The following ZNF117 variants were observed in gnomAD, a reference collection of about 807,000 sequenced individuals.
ZNF117 encodes Krueppel-related zinc finger protein.
In ZNF117, 37 loss-of-function variants were observed where a neutral mutation model predicts 41.2. That is an observed-to-expected ratio of 0.90 (90% CI 0.69 to 1.18). ZNF117 has a LOEUF of 1.18. Ranked by LOEUF, ZNF117 falls within the 50% of genes most tolerant of loss-of-function variation. The probability of loss-of-function intolerance (pLI) is 0.00; values close to 1 mark genes in which losing one functional copy is unlikely to be tolerated. For missense variants in ZNF117, 546 were observed against 557.5 expected, an observed-to-expected ratio of 0.98 and a Z score of 0.21; for synonymous variants, 186 against 186.6, an observed-to-expected ratio of 1.00 and a Z score of 0.02.
chr7:64,975,331 TAATTTA>T (rs1785860576), exon 3 of ZNF117: 3 of 137,022 alleles, frequency 2.2e-5, no homozygotes, highest in African/African-American at 8.1e-5. Flanking sequence ...CTACTAATTT[TAATTTA>T]ATTTTAACTA....
exon 3 of ZNF117, chr7:64,975,026 T>TG (rs1263412100): frequency 2.0e-5 from 3 of 152,054 alleles, no homozygotes; most frequent in Admixed American, 6.5e-5. Context: ...ATTTAACCTA[T>TG]GGGAACAATG....
exon 3 of ZNF117, chr7:64,975,694 C>G (rs1785871102): frequency 6.6e-6 from 1 of 152,026 alleles, no homozygotes; most frequent in Admixed American, 6.6e-5. Context: ...GTAATTATAA[C>G]TAAAAATATT....
exon 3 of ZNF117, chr7:64,978,408 G>T (rs1299292613): frequency 5.0e-6 from 8 of 1,611,918 alleles, no homozygotes; most frequent in African/African-American, 1.3e-5. Context: ...ACATTTGTGG[G>T]GATTCTCTCC....
downstream of ZNF117, chr7:64,974,395 A>T (rs1381235952): frequency 6.6e-6 from 1 of 151,924 alleles, no homozygotes; most frequent in Admixed American, 6.6e-5. Context: ...AAGTCAGAAG[A>T]TTTGGCAGTA....
chr7:64,981,024 G>A (rs1205374993), intron 2 of ZNF117: 8 of 237,664 alleles, frequency 3.4e-5, no homozygotes, highest in African/African-American at 1.9e-4. Context: ...CAGACTTGAT[G>A]CAAAAAGAGA....
intron 1 of ZNF117, among the ~76,000 whole-genome samples, chr7:64,987,242 G>C (rs1255780238): frequency 6.6e-6 from 1 of 152,124 alleles, no homozygotes; most frequent in African/African-American, 2.4e-5. Flanking sequence ...AAAGTTCTTT[G>C]AAACAAATGA....
chr7:64,986,882 C>T (rs746664565), upstream of ZNF117, among the ~76,000 whole-genome samples: 3 of 152,132 alleles, frequency 2.0e-5, no homozygotes, highest in Non-Finnish European at 4.4e-5. Flanking sequence ...CACTATTAGA[C>T]ACATTTTTGA....
At position 64,990,522 on chromosome 7, in the gene ZNF117, AGCAGAACAAAG is replaced by A. The variant is rs1186498577; in HGVS notation, c.-782_-772del. The stretch of plus-strand genomic sequence containing the variant: ...CGAGGTGAGAAAGCAGTCTTACAGA[AGCAGAACAAAG>A]GCAGTTAATCATACCGTGACAGGTT... On this transcript the variant is annotated 5_prime_UTR_variant, in exon 1 of 4. It removes the in-frame stop codon of an upstream open reading frame in the 5' UTR. Coordinates refer to the ZNF117 transcript ENST00000282869. The A allele has an allele frequency of 3.2e-5, 5 of 155,110 alleles. No homozygotes were observed. The highest frequency in any genetic ancestry group is 1.2e-4 in the African/African-American group (5 of 40,664). The allele number at this position is 155,110 out of a possible 1,614,324, so 9.6% of individuals were successfully genotyped here.
chr7:64,980,294 A>G (rs1161294367), intron 2 of ZNF117: 1 of 152,006 alleles, frequency 6.6e-6, no homozygotes, highest in African/African-American at 2.4e-5. Flanking sequence ...TTCAAATTTC[A>G]ATTAAAGATT....
exon 3 of ZNF117, chr7:64,976,794 A>G: frequency 2.6e-6 from 1 of 377,738 alleles, no homozygotes; most frequent in Non-Finnish European, 5.2e-6. Context: ...TGTCAAAATC[A>G]TTGTCACATC....
exon 3 of ZNF117, chr7:64,978,674 A>G (rs772502993): frequency 1.2e-6 from 2 of 1,612,960 alleles, no homozygotes; most frequent in Admixed American, 3.3e-5. Flanking sequence ...TCTCTCCACT[A>G]TGAATTCTCT....
At chr7:64,982,588 C>G (rs1786054898), upstream of ZNF117, among the ~76,000 whole-genome samples, 1 of 152,052 alleles carries the variant, frequency 6.6e-6, no homozygotes, top group African/African-American at 2.4e-5. Flanking sequence ...TTCTAAAAAG[C>G]TCACCAATAA....
At position 64,977,718 on chromosome 7, in the gene ZNF117, C is replaced by T. The variant is rs1257501480; in HGVS notation, c.*401G>A. ...TACGTATAGGTTGAAAGCTTTGCCA[C>T]ATTCTTCACATTTATATGGTTTCTC... On this transcript the variant is annotated 3_prime_UTR_variant, in exon 3 of 3. Coordinates refer to ENST00000620222, the Ensembl canonical transcript of ZNF117. 10 of 878,790 alleles carry T rather than the reference C, an allele frequency of 1.1e-5. No individual in the cohort carries two copies. The East Asian group carries it at 3.9e-4, about 34-fold the overall frequency. 54.4% of individuals were successfully genotyped at this position (878,790 alleles called of 1,614,324 possible). A position where few individuals can be genotyped will look rare whatever the true frequency, so the allele number is the denominator to read the frequency against.
chr7:64,976,997 A>G, exon 3 of ZNF117: 1 of 533,186 alleles, frequency 1.9e-6, no homozygotes. Context: ...CTCCAGTACG[A>G]TTTTTCTTAT....
intron 2 of ZNF117, chr7:64,980,418 C>T (rs1248368571): frequency 6.6e-6 from 1 of 151,578 alleles, no homozygotes; most frequent in Admixed American, 6.6e-5. Context: ...AATAATACTC[C>T]ATGAATGAAA....
At chr7:64,988,586 G>C (rs1312490934) in intron 1 of ZNF117, among the ~76,000 whole-genome samples, 14 of 152,144 alleles carry the variant, frequency 9.2e-5, no homozygotes, top group Admixed American at 2.0e-4. Context: ...ACATAGAATT[G>C]GCAGCCCTCA....
intron 1 of ZNF117, among the ~76,000 whole-genome samples, chr7:64,989,466 TA>T: frequency 1.6e-5 from 1 of 61,200 alleles, no homozygotes; most frequent in South Asian, 4.7e-4. Context: ...TATATATATA[TA>T]TATATATATA....
rs985707947 is a variant in ZNF117, at chr7:64,988,968, T to C, written c.-196+979A>G. On this transcript the variant is annotated intron_variant, in intron 1 of 3. Coordinates refer to the ZNF117 transcript ENST00000282869. ...TATGACACAAATAAATGGAGATTTA[T>C]TTTATGCTCATGGATAAAAAAGATC... is the stretch of plus-strand genomic sequence containing the variant. Among the ~76,000 whole-genome samples the C allele has an allele frequency of 2.0e-5, 3 of 152,296 alleles. No individual in the cohort carries two copies. In the East Asian group the frequency reaches 5.8e-4, roughly 29 times the overall value.
intron 1 of ZNF117, 64 bp downstream of exon 1, chr7:64,989,883 C>A (rs1786225962): frequency 1.3e-5 from 2 of 152,052 alleles, no homozygotes; most frequent in Admixed American, 1.3e-4. Flanking sequence ...ACCATCCTGG[C>A]CAACATGGTG....
Sources: gnomAD v4.1 joint callset for allele counts (sites outside exome capture counted in the v4.1 genomes callset) on GRCh38, gnomAD v4.1.1 for gene constraint, MANE v1.5 for transcripts, NCBI Gene and HGNC (gene_info 2026-07-23, HGNC 2026-07-21) for gene names.